SNTG1: variants seen among roughly 807,000 people sequenced by gnomAD.
SNTG1 encodes gamma-1-syntrophin.
In SNTG1, 39 loss-of-function variants were observed where a neutral mutation model predicts 74.7. That is an observed-to-expected ratio of 0.52 (90% CI 0.40 to 0.68). SNTG1 has a LOEUF of 0.68. Ranked by LOEUF, SNTG1 falls within the 30% of genes least tolerant of loss-of-function variation. The probability of loss-of-function intolerance (pLI) is 0.00; values close to 1 mark genes in which losing one functional copy is unlikely to be tolerated. For missense variants in SNTG1, 685 were observed against 609.5 expected, an observed-to-expected ratio of 1.12 and a Z score of -1.30; for synonymous variants, 254 against 217.1, an observed-to-expected ratio of 1.17 and a Z score of -1.49.
chr8:50,517,543 C>G (rs979238633), intron 9 of SNTG1, among the ~76,000 whole-genome samples: 1 of 148,606 alleles, frequency 6.7e-6, no homozygotes, highest in African/African-American at 2.5e-5. Context: ...ATTCAGGAGA[C>G]CTATCTCATG....
rs139446728 is a variant in SNTG1 at position 50,051,607 on chromosome 8, G to T, written c.-102-120954G>T. On this transcript the variant is annotated intron_variant, in intron 1 of 18. Coordinates refer to ENST00000642720, the MANE Select transcript of SNTG1 (RefSeq NM_018967.5). ...AGCCATGCTCTGAAACACATACAAA[G>T]ATCCTTCCTTACCTCTTCCTAGCTG... Among the ~76,000 whole-genome samples, 220 of 152,166 alleles carry T rather than the reference G, an allele frequency of 1.4e-3. 2 individuals carry two copies. The Middle Eastern group carries it at 0.017, about 12-fold the overall frequency.
At chr8:50,585,524 G>A (rs1271893099) in intron 12 of SNTG1, among the ~76,000 whole-genome samples, 2 of 152,048 alleles carry the variant, frequency 1.3e-5, no homozygotes, top group Non-Finnish European at 2.9e-5. Context: ...AGTGTAACAT[G>A]GAAAATGCCT....
intron 1 of SNTG1, among the ~76,000 whole-genome samples, chr8:50,093,762 A>G (rs1378791788): frequency 6.6e-6 from 1 of 152,192 alleles, no homozygotes; most frequent in Non-Finnish European, 1.5e-5. Context: ...GTCCACATCC[A>G]TGGAGGAGTT....
At chr8:50,448,817 G>A (rs943264862) in intron 5 of SNTG1, among the ~76,000 whole-genome samples, 1 of 152,030 alleles carries the variant, frequency 6.6e-6, no homozygotes, top group Admixed American at 6.6e-5. Flanking sequence ...GTTGGATCAC[G>A]AGGTCAGGAG....
At chr8:50,354,444 A>G (rs1230145946) in intron 2 of SNTG1, among the ~76,000 whole-genome samples, 3 of 152,030 alleles carry the variant, frequency 2.0e-5, no homozygotes, top group Non-Finnish European at 2.9e-5. Flanking sequence ...TTGGTATGGG[A>G]TAACATTTTC....
chr8:50,134,853 C>A (rs541347103), intron 1 of SNTG1, among the ~76,000 whole-genome samples: 2 of 152,162 alleles, frequency 1.3e-5, no homozygotes, highest in East Asian at 3.9e-4. Flanking sequence ...AACTTACTAT[C>A]AAAAACGATC....
At chr8:50,226,636 A>C (rs1169102069) in intron 2 of SNTG1, among the ~76,000 whole-genome samples, 1 of 151,102 alleles carries the variant, frequency 6.6e-6, no homozygotes, top group Non-Finnish European at 1.5e-5. Flanking sequence ...CAACCAGAAA[A>C]CGTTTAAATT....
intron 1 of SNTG1, among the ~76,000 whole-genome samples, chr8:50,114,670 T>C (rs900724070): frequency 2.0e-5 from 3 of 151,904 alleles, no homozygotes; most frequent in African/African-American, 7.3e-5. Context: ...ACTGAGACCA[T>C]CCTGGCCAGC....
chr8:50,061,949 A>C (rs1486281670), intron 1 of SNTG1, among the ~76,000 whole-genome samples: 1 of 152,050 alleles, frequency 6.6e-6, no homozygotes, highest in Non-Finnish European at 1.5e-5. Context: ...TGGGTAAAAT[A>C]TGGTTGGTTG....
intron 8 of SNTG1, among the ~76,000 whole-genome samples, chr8:50,488,535 C>A (rs1254227973): frequency 6.6e-6 from 1 of 152,146 alleles, no homozygotes; most frequent in Non-Finnish European, 1.5e-5. Flanking sequence ...GTCTGCTCTG[C>A]CTGCCATTTT....
intron 1 of SNTG1, among the ~76,000 whole-genome samples, chr8:50,095,991 A>AC (rs2079911787): frequency 5.9e-5 from 9 of 152,306 alleles, no homozygotes; most frequent in Middle Eastern, 3.4e-3. Context: ...TCTAAAAAAA[A>AC]AATTCCATGA....
chr8:49,976,167 T>C (rs1812172524), intron 1 of SNTG1, among the ~76,000 whole-genome samples: 1 of 152,312 alleles, frequency 6.6e-6, no homozygotes, highest in East Asian at 1.9e-4. Context: ...TTTAATTAGA[T>C]CCTATATCTT....
intron 1 of SNTG1, among the ~76,000 whole-genome samples, chr8:50,021,280 T>C (rs1283722346): frequency 6.6e-6 from 1 of 152,196 alleles, no homozygotes; most frequent in Admixed American, 6.5e-5. Flanking sequence ...ATTGTCATTG[T>C]TTCTCACCAC....
At chr8:50,075,820 A>C (rs1274537520) in intron 1 of SNTG1, among the ~76,000 whole-genome samples, 1 of 152,104 alleles carries the variant, frequency 6.6e-6, no homozygotes, top group East Asian at 1.9e-4. Flanking sequence ...AACACTCAAC[A>C]CGAAGGTCTG....
intron 4 of SNTG1, among the ~76,000 whole-genome samples, chr8:50,436,281 G>GT (rs1374998800): frequency 6.6e-6 from 1 of 152,056 alleles, no homozygotes; most frequent in African/African-American, 2.4e-5. Context: ...GTTTAGTTGG[G>GT]TTGTCAGTTT....
chr8:50,168,851 C>T (rs2082713154), intron 1 of SNTG1, among the ~76,000 whole-genome samples: 1 of 152,120 alleles, frequency 6.6e-6, no homozygotes, highest in East Asian at 1.9e-4. Context: ...CAACTTCTCC[C>T]AAATTTAACA....
rs181073740 is a variant in SNTG1 at position 50,792,514 on chromosome 8, C to T, written c.1396-157C>T. ...ATTTTCACTACTTACGATGTTTACA[C>T]GTTGACCAAAAATGTCTACATTTGA... On this transcript the variant is annotated intron_variant, in intron 18 of 18. Transcript: ENST00000642720. Among the ~76,000 whole-genome samples, 98 of 151,788 alleles carry T rather than the reference C, an allele frequency of 6.5e-4. 1 individual carries two copies. The highest frequency in any genetic ancestry group is 2.2e-3 in the African/African-American group (92 of 41,464).
intron 2 of SNTG1, among the ~76,000 whole-genome samples, chr8:50,373,045 T>G (rs1029476173): frequency 5.9e-5 from 9 of 152,264 alleles, no homozygotes; most frequent in Admixed American, 1.3e-4. Context: ...TAACTGCATT[T>G]TACCCACTGA....
chr8:50,655,444 G>A (rs1385303353), intron 13 of SNTG1, among the ~76,000 whole-genome samples: 1 of 152,098 alleles, frequency 6.6e-6, no homozygotes, highest in East Asian at 1.9e-4. Flanking sequence ...TCTATGTAAT[G>A]CATATGTTAG....
Sources: gnomAD v4.1 joint callset for allele counts (sites outside exome capture counted in the v4.1 genomes callset) on GRCh38, gnomAD v4.1.1 for gene constraint, MANE v1.5 for transcripts, NCBI Gene and HGNC (gene_info 2026-07-23, HGNC 2026-07-21) for gene names.